The following ITIH5 variants were observed in gnomAD, a reference collection of about 807,000 sequenced individuals.
The protein encoded by ITIH5 is inter-alpha-trypsin inhibitor heavy chain 5.
Under a neutral mutation model 77.5 loss-of-function variants are expected in ITIH5, and 65 were observed. The ratio of observed to expected loss-of-function variants is 0.84; its 90% CI spans 0.69 to 1.03. ITIH5 has a LOEUF of 1.03. Among genes scored for constraint, ITIH5 ranks in the 50% least tolerant of loss-of-function variants. The pLI, the probability that ITIH5 is intolerant of heterozygous loss-of-function variation, is 0.00. For synonymous variants in ITIH5, 525 were observed against 494.3 expected (o/e 1.06, Z -0.82); for missense variants, 1,208 against 1,213.1 (o/e 1.00, Z 0.06).
rs373087888 is a variant in ITIH5, at chr10:7,580,056, T to C, written c.1117A>G (p.Ile373Val). ...HHMSPTGGTD[I>V]NGALQRAIRL... Reference sequence around the variant, plus strand: ...ATGGCCCTCTGCAGGGCCCCGTTGATGTCTGTGCCTGCAGGACACCAACAC... The same window carrying C: ...ATGGCCCTCTGCAGGGCCCCGTTGACGTCTGTGCCTGCAGGACACCAACAC... Residue 373 changes from isoleucine (I) to valine (V), a missense_variant, in exon 9 of 14, where the codon ATC becomes GTC. Transcript: ENST00000397146. 13 of 1,599,562 alleles carry C rather than the reference T, an allele frequency of 8.1e-6. No individual in the cohort carries two copies. The highest frequency in any genetic ancestry group is 1.1e-5 in the Non-Finnish European group (13 of 1,175,154).
At chr10:7,586,867 G>C (rs775441610) in intron 7 of ITIH5, among the ~76,000 whole-genome samples, 2 of 151,658 alleles carry the variant, frequency 1.3e-5, no homozygotes, top group Non-Finnish European at 2.9e-5. Context: ...CTCTCGCTCT[G>C]TCACCCAGGC....
intron 5 of ITIH5, among the ~76,000 whole-genome samples, chr10:7,634,322 C>T (rs758522106): frequency 9.2e-5 from 14 of 152,202 alleles, no homozygotes; most frequent in South Asian, 2.1e-4. Context: ...GACAAAATCA[C>T]AACATCCTGT....
chr10:7,573,265 G>T, intron 10 of ITIH5, 70 bp from the exon 11 acceptor site: 1 of 1,345,290 alleles, frequency 7.4e-7, no homozygotes, highest in Non-Finnish European at 1.1e-6. Context: ...TGCAAAGGGA[G>T]AGAGGAGACA....
At chr10:7,607,007 T>G (rs1218739400) in intron 7 of ITIH5, among the ~76,000 whole-genome samples, 1 of 152,200 alleles carries the variant, frequency 6.6e-6, no homozygotes, top group Non-Finnish European at 1.5e-5. Context: ...CAAAAACCAG[T>G]TTTCCCCACT....
chr10:7,567,347 T>TTATTAC (rs1554746967), intron 12 of ITIH5, among the ~76,000 whole-genome samples: 4 of 148,632 alleles, frequency 2.7e-5, no homozygotes, highest in African/African-American at 9.8e-5. Context: ...ATTATTATTA[T>TTATTAC]TATTATTATA....
intron 7 of ITIH5, among the ~76,000 whole-genome samples, chr10:7,596,786 A>T (rs1252397818): frequency 6.6e-6 from 1 of 152,046 alleles, no homozygotes; most frequent in Non-Finnish European, 1.5e-5. Flanking sequence ...TCATGCCTGT[A>T]ATCTTTGGGA....
Position 7,560,039 on chromosome 10 carries a change from A to T in ITIH5, c.*3044T>A. 1 of 341,504 alleles carries T rather than the reference A, an allele frequency of 2.9e-6. No individual in the cohort carries two copies. The highest frequency in any genetic ancestry group is 2.4e-5 in the South Asian group (1 of 42,216). 21.2% of individuals were successfully genotyped at this position (341,504 alleles called of 1,614,324 possible). A position where few individuals can be genotyped will look rare whatever the true frequency, so the allele number is the denominator to read the frequency against. On this transcript the variant is annotated 3_prime_UTR_variant, in exon 14 of 14. Transcript: ENST00000397146. ...GCTAATTTTTGTATTTTTAGTAGAG[A>T]CGAGGTTTCACCATGTTGGCCAGGA... is the stretch of plus-strand genomic sequence containing the variant.
At chr10:7,588,184 G>C (rs902621471) in intron 7 of ITIH5, among the ~76,000 whole-genome samples, 2 of 152,216 alleles carry the variant, frequency 1.3e-5, no homozygotes, top group African/African-American at 4.8e-5. Context: ...AGAAGTTAGA[G>C]ACCAGCCTGG....
chr10:7,570,379 G>C (rs1404771688), intron 11 of ITIH5: 1 of 152,326 alleles, frequency 6.6e-6, no homozygotes, highest in Non-Finnish European at 1.5e-5. Flanking sequence ...CGCACAGTCA[G>C]GGTGCTGGCG....
intron 6 of ITIH5, among the ~76,000 whole-genome samples, chr10:7,616,556 G>T (rs1044321722): frequency 6.6e-6 from 1 of 152,150 alleles, no homozygotes; most frequent in Non-Finnish European, 1.5e-5. Flanking sequence ...GACCAAGCGC[G>T]GTGGCTCAGG....
Position 7,560,766 on chromosome 10 carries a change from G to T in ITIH5, c.*2317C>A, listed in dbSNP as rs1294334600. The T allele has an allele frequency of 6.6e-6, 1 of 151,918 alleles. No homozygotes were observed. The highest frequency in any genetic ancestry group is 1.5e-5 in the Non-Finnish European group (1 of 67,994). The allele number at this position is 151,918 out of a possible 1,614,324, so 9.4% of individuals were successfully genotyped here. A position where few individuals can be genotyped will look rare whatever the true frequency, so the allele number is the denominator to read the frequency against. ...AATTACTCATTTTGGAACAACCCTC[G>T]CCCTGGTTTATAAATGCTCAAGGAA... On this transcript the variant is annotated 3_prime_UTR_variant, in exon 14 of 14. Transcript: ENST00000397146.
intron 5 of ITIH5, among the ~76,000 whole-genome samples, chr10:7,634,088 CAAAAAA>C (rs752092484): frequency 1.7e-5 from 1 of 60,038 alleles, no homozygotes; most frequent in Non-Finnish European, 3.1e-5. Context: ...GACTCCGTCT[CAAAAAA>C]AAAAAAAAAA....
At chr10:7,662,278 A>G (rs1272030681) in intron 1 of ITIH5, among the ~76,000 whole-genome samples, 1 of 152,054 alleles carries the variant, frequency 6.6e-6, no homozygotes, top group African/African-American at 2.4e-5. Context: ...AATTGCTTGA[A>G]TCCGGGAGGC....
At chr10:7,643,187 G>A (rs1251126866) in intron 2 of ITIH5, among the ~76,000 whole-genome samples, 4 of 152,176 alleles carry the variant, frequency 2.6e-5, no homozygotes, top group East Asian at 1.9e-4. Context: ...GCCAGGACAA[G>A]AGCCCTCATC....
rs189638138 is a variant in ITIH5, at chr10:7,581,940, A to G, written c.1109-1876T>C. Among the ~76,000 whole-genome samples the G allele has an allele frequency of 1.2e-4, 16 of 135,136 alleles. No homozygotes were observed. The East Asian group carries it at 2.8e-3, about 24-fold the overall frequency. 88.7% of individuals were successfully genotyped at this position (135,136 alleles called of 152,430 possible). Reference sequence around the variant, plus strand: ...GCCCAAGGTGGAATGCAGTGGCGTGATCTTGGCTCACTGCAACCTCTGCCT... The same window carrying G: ...GCCCAAGGTGGAATGCAGTGGCGTGGTCTTGGCTCACTGCAACCTCTGCCT... On this transcript the variant is annotated intron_variant, in intron 8 of 13. Transcript: ENST00000397146.
intron 5 of ITIH5, among the ~76,000 whole-genome samples, chr10:7,623,237 C>G (rs1833502594): frequency 6.6e-6 from 1 of 152,192 alleles, no homozygotes; most frequent in African/African-American, 2.4e-5. Flanking sequence ...CAGCCAACAC[C>G]TGGTGCATTG....
At chr10:7,582,042 A>C (rs564024331) in intron 8 of ITIH5, among the ~76,000 whole-genome samples, 1 of 150,272 alleles carries the variant, frequency 6.7e-6, no homozygotes, top group East Asian at 2.0e-4. Flanking sequence ...TGCCTGGCTA[A>C]TTTTTGTACT....
chr10:7,582,118 G>A (rs1258315312), intron 8 of ITIH5, among the ~76,000 whole-genome samples: 1 of 151,770 alleles, frequency 6.6e-6, no homozygotes, highest in Non-Finnish European at 1.5e-5. Flanking sequence ...CTTGTGATCT[G>A]CCCGCCTCGG....
intron 7 of ITIH5, among the ~76,000 whole-genome samples, chr10:7,614,295 C>T (rs1833319052): frequency 6.6e-6 from 1 of 152,188 alleles, no homozygotes; most frequent in Non-Finnish European, 1.5e-5. Context: ...TAAAGAACCA[C>T]TAAAAGCTGA....
Sources: allele counts gnomAD v4.1 joint callset (sites outside exome capture counted in the v4.1 genomes callset), GRCh38; gene constraint gnomAD v4.1.1; transcripts MANE v1.5; gene names NCBI Gene and HGNC (gene_info 2026-07-23, HGNC 2026-07-21).